CNBD1: variants seen among roughly 807,000 people sequenced by gnomAD.
CNBD1 encodes the protein cyclic nucleotide binding domain containing 1.
A neutral mutation model predicts 54.4 loss-of-function variants in CNBD1; 71 were observed. The ratio of observed to expected loss-of-function variants is 1.30; its 90% CI spans 1.08 to 1.59. The LOEUF (loss-of-function observed/expected upper bound fraction) is 1.59, where lower values mean the gene tolerates loss of function less well. CNBD1 is among the 40% of genes most tolerant of loss of function. CNBD1 has a pLI of 0.00. For synonymous variants in CNBD1, 182 were observed against 170.7 expected (o/e 1.07, Z -0.51); for missense variants, 659 against 518.0 (o/e 1.27, Z -2.64).
At chr8:86,967,309 A>G (rs1563841037) in intron 4 of CNBD1, among the ~76,000 whole-genome samples, 1 of 152,374 alleles carries the variant, frequency 6.6e-6, no homozygotes, top group East Asian at 1.9e-4. Flanking sequence ...AAAGAGCACA[A>G]GAAGGCTCGG....
chr8:87,021,403 G>A (rs1388118821), intron 4 of CNBD1, among the ~76,000 whole-genome samples: 2 of 152,136 alleles, frequency 1.3e-5, no homozygotes, highest in East Asian at 3.8e-4. Flanking sequence ...ATACCATATA[G>A]ATACAAGAAA....
chr8:86,956,032 T>C (rs2130457770), intron 4 of CNBD1, among the ~76,000 whole-genome samples: 1 of 152,302 alleles, frequency 6.6e-6, no homozygotes, highest in South Asian at 2.1e-4. Flanking sequence ...GGGATCCAGT[T>C]TCAGCTTTCT....
At chr8:87,370,804 T>C (rs1464662484) in intron 10 of CNBD1, among the ~76,000 whole-genome samples, 1 of 149,984 alleles carries the variant, frequency 6.7e-6, no homozygotes, top group Non-Finnish European at 1.5e-5. Flanking sequence ...TCCTTGCCCA[T>C]GCCTATGTCC....
At chr8:87,263,252 G>A (rs1249630402) in intron 6 of CNBD1, among the ~76,000 whole-genome samples, 1 of 152,068 alleles carries the variant, frequency 6.6e-6, no homozygotes, top group Non-Finnish European at 1.5e-5. Context: ...CTTGTCATTT[G>A]TGTGAAAACC....
chr8:87,067,069 T>C (rs1794413268), intron 4 of CNBD1, among the ~76,000 whole-genome samples: 1 of 151,974 alleles, frequency 6.6e-6, no homozygotes, highest in Non-Finnish European at 1.5e-5. Flanking sequence ...TTAGGTACAA[T>C]GCACATGTGT....
rs997085286 is a variant in CNBD1, at chr8:87,229,509, A to G, written c.578-7410A>G. On this transcript the variant is annotated intron_variant, in intron 5 of 10. Transcript: ENST00000518476. ...AATTGTTCTTTGACACCTTAATTAG[A>G]TAGTAATCTTTTTTAGACAATTTTA... Among the ~76,000 whole-genome samples the G allele has an allele frequency of 1.6e-4, 24 of 152,150 alleles. No individual in the cohort carries two copies. In the East Asian group the frequency reaches 4.5e-3, roughly 28 times the overall value.
chr8:86,878,841 A>T (rs1563808226), intron 1 of CNBD1, among the ~76,000 whole-genome samples: 1 of 152,202 alleles, frequency 6.6e-6, no homozygotes, highest in African/African-American at 2.4e-5. Context: ...GATATTATTC[A>T]GAATTCATAG....
chr8:87,228,394 G>A (rs1207412542), intron 5 of CNBD1, among the ~76,000 whole-genome samples: 1 of 148,878 alleles, frequency 6.7e-6, no homozygotes, highest in Non-Finnish European at 1.5e-5. Context: ...GGTCTTTGAT[G>A]ATGGTGATGT....
intron 4 of CNBD1, among the ~76,000 whole-genome samples, chr8:87,120,418 C>T (rs1172385095): frequency 6.6e-6 from 1 of 151,564 alleles, no homozygotes; most frequent in African/African-American, 2.4e-5. Flanking sequence ...AGTTGAAATG[C>T]CTCCTTTTTC....
rs1024790627 is a variant in CNBD1, at chr8:87,315,498, G to A, written c.1042+28827G>A. The stretch of plus-strand genomic sequence containing the variant: ...TTCCACTCATGACTGAAGGCAAAAG[G>A]GAACCAGAGATCACATGGTGAGAGA... On this transcript the variant is annotated intron_variant, in intron 8 of 10. Coordinates refer to ENST00000518476, the MANE Select transcript of CNBD1 (RefSeq NM_173538.3). Among the ~76,000 whole-genome samples the A allele has an allele frequency of 2.0e-5, 3 of 151,906 alleles. No homozygotes were observed. The East Asian group carries it at 5.8e-4, about 29-fold the overall frequency.
intron 6 of CNBD1, among the ~76,000 whole-genome samples, chr8:87,271,177 G>C (rs1486317266): frequency 6.6e-6 from 1 of 151,200 alleles, no homozygotes; most frequent in South Asian, 2.1e-4. Flanking sequence ...AATTAATCCA[G>C]CTGAAGGTTT....
intron 4 of CNBD1, among the ~76,000 whole-genome samples, chr8:87,176,251 G>C (rs565622340): frequency 6.6e-6 from 1 of 152,100 alleles, no homozygotes; most frequent in African/African-American, 2.4e-5. Flanking sequence ...TGAGTTTGGT[G>C]CTCCTGCAGT....
At chr8:87,048,600 A>G (rs1378866583) in intron 4 of CNBD1, among the ~76,000 whole-genome samples, 4 of 152,172 alleles carry the variant, frequency 2.6e-5, no homozygotes, top group African/African-American at 9.7e-5. Flanking sequence ...GTACTTCAGG[A>G]GTCCAAAACA....
In CNBD1 at chr8:87,194,640, A is replaced by G. The variant is rs115086106; in HGVS notation, c.432-11353A>G. Among the ~76,000 whole-genome samples, 1,392 of 152,272 alleles carry G rather than the reference A, an allele frequency of 9.1e-3. 34 individuals are homozygous for G. The highest frequency in any genetic ancestry group is 0.032 in the African/African-American group (1,338 of 41,562). ...ACTGAATACTTATTTTTAATTTTTA[A>G]TATTTTGACTAATGTTAATATGTGT... On this transcript the variant is annotated intron_variant, in intron 4 of 10. Transcript: ENST00000518476.
chr8:87,324,838 C>T (rs1343699727), intron 8 of CNBD1, among the ~76,000 whole-genome samples: 1 of 114,702 alleles, frequency 8.7e-6, no homozygotes, highest in Non-Finnish European at 1.8e-5. Context: ...TTCTTGCCTT[C>T]TGCTAGCTTT....
downstream of CNBD1, among the ~76,000 whole-genome samples, chr8:87,386,779 A>G (rs1380081188): frequency 6.6e-6 from 1 of 152,178 alleles, no homozygotes; most frequent in East Asian, 1.9e-4. Context: ...ACTCCTCAAG[A>G]AGAGCAACTC....
chr8:87,215,257 T>C (rs954333259), intron 5 of CNBD1, among the ~76,000 whole-genome samples: 1 of 152,134 alleles, frequency 6.6e-6, no homozygotes, highest in Non-Finnish European at 1.5e-5. Flanking sequence ...TGCTTTTATA[T>C]GAAATCTCCA....
rs533667258 is a variant in CNBD1 at position 86,991,555 on chromosome 8, C to A, written c.431+51801C>A. On this transcript the variant is annotated intron_variant, in intron 4 of 10. Transcript: ENST00000518476. The stretch of plus-strand genomic sequence containing the variant: ...TTAGTTATTTCTTTTCTTCTGCTAG[C>A]TTTGGAATTGGTCTACTATTTTCCC... 2.6e-5 allele frequency among the ~76,000 whole-genome samples: 4 copies of A among 152,150 alleles called. No individual in the cohort carries two copies. The South Asian group carries it at 8.3e-4, about 32-fold the overall frequency.
chr8:87,327,663 G>A (rs141023946), intron 8 of CNBD1, among the ~76,000 whole-genome samples: 13,619 of 152,168 alleles, frequency 0.089, 628 homozygotes, highest in South Asian at 0.097. Flanking sequence ...GCTTCGGCTC[G>A]TGCCCGGTGC....
Sources: gnomAD v4.1 joint callset for allele counts (sites outside exome capture counted in the v4.1 genomes callset) on GRCh38, gnomAD v4.1.1 for gene constraint, MANE v1.5 for transcripts, NCBI Gene and HGNC (gene_info 2026-07-23, HGNC 2026-07-21) for gene names.